Variants in TMEM67 observed in about 807,000 individuals in gnomAD.
TMEM67 encodes meckelin.
A neutral mutation model predicts 136.6 loss-of-function variants in TMEM67; 124 were observed. The observed-to-expected ratio is 0.91, with a 90% confidence interval of 0.78 to 1.05. TMEM67 has a LOEUF of 1.05. TMEM67 is among the 50% of genes least tolerant of loss of function. TMEM67 has a pLI of 0.00. For missense variants in TMEM67, 1,107 were observed against 1,178.4 expected, an observed-to-expected ratio of 0.94 and a Z score of 0.89; for synonymous variants, 364 against 390.5, an observed-to-expected ratio of 0.93 and a Z score of 0.80.
At chr8:93,789,157 G>T (rs374766432) in intron 14 of TMEM67, among the ~76,000 whole-genome samples, 5 of 152,166 alleles carry the variant, frequency 3.3e-5, no homozygotes, top group Non-Finnish European at 7.4e-5. Context: ...TAATATTCTA[G>T]TTCCTTCAGC....
At chr8:93,782,316 C>A in intron 10 of TMEM67, 79 bp from the exon 11 acceptor site, 2 of 1,025,156 alleles carry the variant, frequency 2.0e-6, no homozygotes, top group Non-Finnish European at 3.1e-6. Flanking sequence ...AGCATATATC[C>A]ATGTTCGGGT....
chr8:93,803,631 A>G lies in TMEM67; in HGVS notation c.2269A>G (p.Arg757Gly), dbSNP rs779886525. 1.2e-6 allele frequency: 2 copies of G among 1,603,912 alleles called. No individual in the cohort carries two copies. The highest frequency in any genetic ancestry group is 1.7e-6 in the Non-Finnish European group (2 of 1,171,066). The change falls in exon 22 of 28, where the codon AGA becomes GGA. Residue 757 changes from arginine to glycine, a missense_variant. Physicochemically the swap from Arg to Gly is moderately radical, Grantham distance 125. Transcript: ENST00000453321. ...CGTGTTCTTTGCTGTCTTTTATGAG[A>G]GATTTATAGAAGATAAAATTCGACA... Reference protein sequence around the residue: ...QVVFFAVFYERFIEDKIRQFV... With the variant: ...QVVFFAVFYEGFIEDKIRQFV...
At chr8:93,768,934 A>G (rs1813203776) in intron 6 of TMEM67, among the ~76,000 whole-genome samples, 1 of 152,082 alleles carries the variant, frequency 6.6e-6, no homozygotes, top group Non-Finnish European at 1.5e-5. Flanking sequence ...ATTTAAACAT[A>G]CCAGATTTTT....
At chr8:93,766,972 A>C (rs1813107643) in intron 6 of TMEM67, among the ~76,000 whole-genome samples, 1 of 152,226 alleles carries the variant, frequency 6.6e-6, no homozygotes, top group East Asian at 1.9e-4. Context: ...GCAGGCCTTT[A>C]ATTTTCCTTT....
At chr8:93,789,576 C>G (rs562018548) in intron 14 of TMEM67, among the ~76,000 whole-genome samples, 2 of 149,260 alleles carry the variant, frequency 1.3e-5, no homozygotes, top group African/African-American at 4.9e-5. Flanking sequence ...ACCCAAGAGG[C>G]GGAGGTTGCA....
At chr8:93,774,623 C>G (rs558062818) in intron 7 of TMEM67, among the ~76,000 whole-genome samples, 1 of 152,228 alleles carries the variant, frequency 6.6e-6, no homozygotes, top group African/African-American at 2.4e-5. Flanking sequence ...GTTTTCTGTC[C>G]TTGTGATAGT....
At chr8:93,781,850 C>T (rs1284726829) in intron 10 of TMEM67, 106 bp downstream of exon 10, 3 of 564,424 alleles carry the variant, frequency 5.3e-6, no homozygotes, top group Middle Eastern at 7.7e-4. Flanking sequence ...TTACATACTA[C>T]AGTTGATTTT....
chr8:93,754,886 G>C, upstream of TMEM67: 5 of 1,605,684 alleles, frequency 3.1e-6, no homozygotes, highest in Non-Finnish European at 4.3e-6. Context: ...TGGGGGGCTG[G>C]AGGCTGTGAG....
At chr8:93,809,930 A>G in intron 26 of TMEM67, 43 bp downstream of exon 26, 2 of 1,303,240 alleles carry the variant, frequency 1.5e-6, no homozygotes, top group East Asian at 4.6e-5. Context: ...ACTGTTTTCA[A>G]AGTTTGAGAA....
In TMEM67 at chr8:93,799,604, C is replaced by G; in HGVS notation, c.2101-14C>G. On this transcript the variant is annotated splice_polypyrimidine_tract_variant and intron_variant, in intron 20 of 27. Coordinates refer to ENST00000453321, the MANE Select transcript of TMEM67 (RefSeq NM_153704.6). ...CATGTCCGTTTAAATTACTACTTTT[C>G]CTTTTTACTCCAGGTTGTGGGATTC... The G allele has an allele frequency of 6.3e-7, 1 of 1,590,442 alleles. No homozygotes were observed. The highest frequency in any genetic ancestry group is 1.1e-5 in the South Asian group (1 of 90,800).
chr8:93,819,284 T>G, downstream of TMEM67: 1 of 414,734 alleles, frequency 2.4e-6, no homozygotes, highest in Non-Finnish European at 4.7e-6. Context: ...TGAGCCTGCC[T>G]TCTTCCTCAG....
At chr8:93,825,395 C>G in the TMEM67 span, among the ~76,000 whole-genome samples, 1 of 152,124 alleles carries the variant, frequency 6.6e-6, no homozygotes, top group Non-Finnish European at 1.5e-5. Flanking sequence ...AATTGAGTGT[C>G]CAAAATAAAG....
chr8:93,808,042 C>G (rs1055630708), intron 23 of TMEM67, among the ~76,000 whole-genome samples: 6 of 151,614 alleles, frequency 4.0e-5, no homozygotes, highest in African/African-American at 9.7e-5. Flanking sequence ...CAAAAAAGAT[C>G]ATTTGCAATT....
chr8:93,824,424 C>T, the TMEM67 span, among the ~76,000 whole-genome samples: 1 of 152,274 alleles, frequency 6.6e-6, no homozygotes, highest in African/African-American at 2.4e-5. Flanking sequence ...GGGTAAAAGG[C>T]TAGAAGATTT....
At chr8:93,808,539 A>AATAG (rs1808555313) in intron 23 of TMEM67, among the ~76,000 whole-genome samples, 69 of 89,930 alleles carry the variant, frequency 7.7e-4, no homozygotes, top group South Asian at 1.4e-3. Flanking sequence ...ATATATCTAT[A>AATAG]ATCTATATAT....
At chr8:93,771,176 TAAC>T (rs1409418093) in intron 6 of TMEM67, among the ~76,000 whole-genome samples, 6 of 152,066 alleles carry the variant, frequency 3.9e-5, no homozygotes, top group Non-Finnish European at 7.4e-5. Flanking sequence ...TCACTTCTAA[TAAC>T]AATTCTATTA....
chr8:93,799,811 C>T (rs1438291149), intron 21 of TMEM67, 53 bp downstream of exon 21: 1 of 1,450,438 alleles, frequency 6.9e-7, no homozygotes, highest in Non-Finnish European at 9.7e-7. Context: ...TTCTTTATAA[C>T]TCTGCCTAAT....
intron 6 of TMEM67, among the ~76,000 whole-genome samples, chr8:93,771,246 G>C (rs1357606551): frequency 6.8e-6 from 1 of 147,600 alleles, no homozygotes; most frequent in Non-Finnish European, 1.5e-5. Context: ...CTTTTTCTCT[G>C]TGCTTTTTTT....
intron 23 of TMEM67, 118 bp from the exon 24 acceptor site, chr8:93,808,722 A>T: frequency 1.5e-6 from 1 of 687,692 alleles, no homozygotes; most frequent in Non-Finnish European, 2.6e-6. Context: ...AGTGAATTTC[A>T]CTTAGCACCT....
Sources: allele counts gnomAD v4.1 joint callset (sites outside exome capture counted in the v4.1 genomes callset), GRCh38; gene constraint gnomAD v4.1.1; transcripts MANE v1.5; gene names NCBI Gene and HGNC (gene_info 2026-07-23, HGNC 2026-07-21).